CTNNA2: variants seen among roughly 807,000 people sequenced by gnomAD.
CTNNA2 encodes the protein catenin alpha 2.
Under a neutral mutation model 101.0 loss-of-function variants are expected in CTNNA2, and 42 were observed. The ratio of observed to expected loss-of-function variants is 0.42; its 90% CI spans 0.32 to 0.54. The LOEUF (loss-of-function observed/expected upper bound fraction) is 0.54. CTNNA2 is among the 20% of genes least tolerant of loss of function. CTNNA2 has a pLI of 0.14. For synonymous variants in CTNNA2, 450 were observed against 456.4 expected (o/e 0.99, Z 0.18); for missense variants, 871 against 1,223.1 (o/e 0.71, Z 4.29).
At chr2:80,118,425 C>G (rs1209518115) in intron 7 of CTNNA2, among the ~76,000 whole-genome samples, 1 of 152,162 alleles carries the variant, frequency 6.6e-6, no homozygotes, top group Non-Finnish European at 1.5e-5. Context: ...AAATCAGAAA[C>G]TTTATGAATC....
chr2:79,206,893 C>A (rs910096416), intron 2 of CTNNA2, among the ~76,000 whole-genome samples: 6 of 152,168 alleles, frequency 3.9e-5, no homozygotes, highest in Admixed American at 1.3e-4. Flanking sequence ...CCACTCTAAT[C>A]CCTGCATCTT....
chr2:79,419,551 C>T (rs1184729078), intron 4 of CTNNA2, among the ~76,000 whole-genome samples: 1 of 152,142 alleles, frequency 6.6e-6, no homozygotes, highest in South Asian at 2.1e-4. Flanking sequence ...AAAGCCAAAA[C>T]TGCTCAAAAT....
intron 9 of CTNNA2, among the ~76,000 whole-genome samples, chr2:80,444,686 C>T (rs1459937237): frequency 2.6e-5 from 4 of 152,118 alleles, no homozygotes; most frequent in Non-Finnish European, 5.9e-5. Flanking sequence ...ATGTGATTAG[C>T]GTCCTTATAG....
At chr2:80,169,000 C>T (rs1704875864) in intron 7 of CTNNA2, among the ~76,000 whole-genome samples, 1 of 152,188 alleles carries the variant, frequency 6.6e-6, no homozygotes, top group South Asian at 2.1e-4. Context: ...TTTGGCCTCC[C>T]CTGGCTGGGC....
At chr2:79,601,450 A>G (rs1453459552) in intron 1 of CTNNA2, among the ~76,000 whole-genome samples, 1 of 152,200 alleles carries the variant, frequency 6.6e-6, no homozygotes, top group African/African-American at 2.4e-5. Context: ...ATACTCTGCA[A>G]CTGGCATTGG....
chr2:80,403,718 T>A (rs1678793341), intron 8 of CTNNA2, among the ~76,000 whole-genome samples: 1 of 152,190 alleles, frequency 6.6e-6, no homozygotes, highest in South Asian at 2.1e-4. Context: ...AAAATTCCCA[T>A]TTAGTATGAT....
intron 18 of CTNNA2, among the ~76,000 whole-genome samples, chr2:80,627,958 A>G (rs1035351252): frequency 4.6e-5 from 7 of 152,080 alleles, no homozygotes; most frequent in Non-Finnish European, 1.0e-4. Flanking sequence ...AAGCATTCCT[A>G]TTTACCAATA....
chr2:79,977,180 G>A (rs999788170), intron 7 of CTNNA2, among the ~76,000 whole-genome samples: 1 of 150,828 alleles, frequency 6.6e-6, no homozygotes, highest in Non-Finnish European at 1.5e-5. Context: ...CATGAGTGAT[G>A]TAATTGCAAA....
intron 3 of CTNNA2, among the ~76,000 whole-genome samples, chr2:79,816,526 T>A (rs1169150757): frequency 6.6e-6 from 1 of 151,960 alleles, no homozygotes; most frequent in African/African-American, 2.4e-5. Flanking sequence ...ATAAAAAGAA[T>A]GAGAAGATAC....
At chr2:79,480,454 T>C (rs1242285558) in intron 4 of CTNNA2, among the ~76,000 whole-genome samples, 1 of 152,212 alleles carries the variant, frequency 6.6e-6, no homozygotes, top group African/African-American at 2.4e-5. Context: ...GACTCAGATC[T>C]TTCTTCAGGA....
At chr2:80,232,345 G>GTTTTTTTTTTTTTTTTTTTT (rs61454985) in intron 7 of CTNNA2, among the ~76,000 whole-genome samples, 33 of 64,802 alleles carry the variant, frequency 5.1e-4, no homozygotes, top group South Asian at 1.3e-3. Context: ...TTGTTTGTTT[G>GTTTTTTTTTTTTTTTTTTTT]TTTTTTTTTT....
chr2:80,224,530 C>T (rs1708762027), intron 7 of CTNNA2, among the ~76,000 whole-genome samples: 1 of 150,674 alleles, frequency 6.6e-6, no homozygotes, highest in Non-Finnish European at 1.5e-5. Context: ...CTGCAACCTC[C>T]ATCTCCTGGG....
intron 11 of CTNNA2, among the ~76,000 whole-genome samples, chr2:80,551,890 C>T (rs1322124226): frequency 6.6e-6 from 1 of 152,134 alleles, no homozygotes; most frequent in Non-Finnish European, 1.5e-5. Flanking sequence ...GACATGTCTT[C>T]CTCACTAAGC....
At chr2:79,292,992 T>C (rs1675865569) in intron 2 of CTNNA2, 1 of 152,252 alleles carries the variant, frequency 6.6e-6, no homozygotes, top group African/African-American at 2.4e-5. Context: ...CAGCCACCCA[T>C]ATGTCACCAC....
At chr2:80,044,793 T>C (rs1178812505) in intron 7 of CTNNA2, among the ~76,000 whole-genome samples, 1 of 152,196 alleles carries the variant, frequency 6.6e-6, no homozygotes, top group Non-Finnish European at 1.5e-5. Flanking sequence ...TATAAAAAAT[T>C]TATTCTACAT....
At chr2:80,242,128 A>G (rs1401005769) in intron 7 of CTNNA2, among the ~76,000 whole-genome samples, 2 of 152,236 alleles carry the variant, frequency 1.3e-5, no homozygotes. Flanking sequence ...GAGAGAAATA[A>G]TACCAAGTAC....
In CTNNA2 at chr2:79,503,320, G is replaced by A. The variant is rs139322367; in HGVS notation, c.-134-1734G>A. On this transcript the variant is annotated intron_variant, in intron 4 of 21. Coordinates refer to the CTNNA2 transcript ENST00000466387. ...GATGTCTAATAAGAACTGATACTAC[G>A]TGGTATATGGAAACACTCGAAATGT... Among the ~76,000 whole-genome samples the A allele has an allele frequency of 1.8e-4, 28 of 152,206 alleles. No individual in the cohort carries two copies. The East Asian group carries it at 2.9e-3, about 16-fold the overall frequency.
intron 7 of CTNNA2, among the ~76,000 whole-genome samples, chr2:80,153,895 T>G (rs1390739521): frequency 6.6e-6 from 1 of 152,150 alleles, no homozygotes; most frequent in Non-Finnish European, 1.5e-5. Context: ...GTGAATATAG[T>G]GTAATAAGAA....
chr2:80,641,905 ACAAAAT>A (rs1217308641), intron 18 of CTNNA2, among the ~76,000 whole-genome samples: 1 of 152,152 alleles, frequency 6.6e-6, no homozygotes, highest in African/African-American at 2.4e-5. Context: ...ATATGAAAGG[ACAAAAT>A]CAAACATGTT....
Sources: allele counts gnomAD v4.1 joint callset (sites outside exome capture counted in the v4.1 genomes callset), GRCh38; gene constraint gnomAD v4.1.1; transcripts MANE v1.5; gene names NCBI Gene and HGNC (gene_info 2026-07-23, HGNC 2026-07-21).